NXPH1: variants seen among roughly 807,000 people sequenced by gnomAD.
The protein encoded by NXPH1 is neurexophilin-1.
A neutral mutation model predicts 23.7 loss-of-function variants in NXPH1; 5 were observed. The ratio of observed to expected loss-of-function variants is 0.21; its 90% CI spans 0.11 to 0.44. The LOEUF (loss-of-function observed/expected upper bound fraction) is 0.44, where lower values mean the gene tolerates loss of function less well. Among genes scored for constraint, NXPH1 ranks in the 20% least tolerant of loss-of-function variants. The pLI, the probability that NXPH1 is intolerant of heterozygous loss-of-function variation, is 0.99. For missense variants in NXPH1, 324 were observed against 321.6 expected (o/e 1.01, Z -0.06); for synonymous variants, 144 against 122.2 (o/e 1.18, Z -1.18).
intron 2 of NXPH1, among the ~76,000 whole-genome samples, chr7:8,454,215 G>T (rs1816552659): frequency 6.6e-6 from 1 of 152,030 alleles, no homozygotes; most frequent in Non-Finnish European, 1.5e-5. Context: ...ACCTGCACTT[G>T]TACCCCTGAA....
chr7:8,466,133 C>T (rs1392605864), intron 2 of NXPH1, among the ~76,000 whole-genome samples: 1 of 152,018 alleles, frequency 6.6e-6, no homozygotes, highest in Non-Finnish European at 1.5e-5. Context: ...TTGTGAGTAC[C>T]TTGAAAAGTC....
intron 2 of NXPH1, among the ~76,000 whole-genome samples, chr7:8,715,641 G>C (rs1779864798): frequency 6.6e-6 from 1 of 152,168 alleles, no homozygotes; most frequent in Non-Finnish European, 1.5e-5. Context: ...AATGATTTGG[G>C]AAGGTTACAC....
At chr7:8,714,483 T>C (rs1290617666) in intron 2 of NXPH1, among the ~76,000 whole-genome samples, 1 of 151,758 alleles carries the variant, frequency 6.6e-6, no homozygotes, top group East Asian at 2.0e-4. Flanking sequence ...CCTTTACTTT[T>C]CCCTCTACTT....
At chr7:8,460,313 A>G (rs1279869996) in intron 2 of NXPH1, among the ~76,000 whole-genome samples, 1 of 152,158 alleles carries the variant, frequency 6.6e-6, no homozygotes, top group African/African-American at 2.4e-5. Context: ...TAGACTTCCC[A>G]TTCCAAAAGA....
intron 2 of NXPH1, among the ~76,000 whole-genome samples, chr7:8,642,139 G>A (rs1392487206): frequency 6.6e-6 from 1 of 152,144 alleles, no homozygotes; most frequent in Non-Finnish European, 1.5e-5. Context: ...CACCCAATTA[G>A]CTTCCTTAAA....
intron 2 of NXPH1, among the ~76,000 whole-genome samples, chr7:8,573,062 A>G (rs1818680696): frequency 6.6e-6 from 1 of 151,836 alleles, no homozygotes; most frequent in Non-Finnish European, 1.5e-5. Flanking sequence ...TTGTTTTGAT[A>G]TATTTCCATC....
intron 2 of NXPH1, among the ~76,000 whole-genome samples, chr7:8,538,325 C>T (rs1336231713): frequency 2.0e-5 from 3 of 151,866 alleles, no homozygotes; most frequent in African/African-American, 7.2e-5. Flanking sequence ...TTTCCTCCAA[C>T]AATCAGAGCT....
chr7:8,721,985 G>A (rs1419711262), intron 2 of NXPH1, among the ~76,000 whole-genome samples: 4 of 152,042 alleles, frequency 2.6e-5, no homozygotes, highest in Non-Finnish European at 5.9e-5. Context: ...AGTTACCTTG[G>A]GTTTACTTTA....
intron 2 of NXPH1, among the ~76,000 whole-genome samples, chr7:8,439,808 G>T (rs566781270): frequency 1.2e-4 from 19 of 152,310 alleles, no homozygotes; most frequent in African/African-American, 4.6e-4. Flanking sequence ...TATGAAGATG[G>T]CTGTTAAGGT....
chr7:8,491,057 A>AT (rs924074240), intron 2 of NXPH1, among the ~76,000 whole-genome samples: 51 of 150,864 alleles, frequency 3.4e-4, no homozygotes, highest in African/African-American at 9.2e-4. Context: ...TTAGAAAAAC[A>AT]TTTTTTTTTG....
intron 2 of NXPH1, among the ~76,000 whole-genome samples, chr7:8,740,523 A>G (rs1203165923): frequency 6.6e-6 from 1 of 152,172 alleles, no homozygotes; most frequent in Admixed American, 6.5e-5. Flanking sequence ...ATTTAGACCT[A>G]TGATCTCTGA....
At chr7:8,517,463 T>G (rs2128615030) in intron 2 of NXPH1, among the ~76,000 whole-genome samples, 1 of 152,194 alleles carries the variant, frequency 6.6e-6, no homozygotes, top group South Asian at 2.1e-4. Context: ...AGATGTAAAT[T>G]TTGTTTCTGG....
At chr7:8,617,183 C>T (rs1819762625) in intron 2 of NXPH1, among the ~76,000 whole-genome samples, 2 of 152,044 alleles carry the variant, frequency 1.3e-5, no homozygotes, top group African/African-American at 4.8e-5. Flanking sequence ...ATTATCCAGT[C>T]CCAATGTCAA....
chr7:8,624,386 G>A (rs941978102), intron 2 of NXPH1, among the ~76,000 whole-genome samples: 4 of 152,160 alleles, frequency 2.6e-5, no homozygotes, highest in Non-Finnish European at 5.9e-5. Context: ...AGCTAGAGAT[G>A]CCAATTCCAT....
At position 8,715,083 on chromosome 7, in the gene NXPH1, G is replaced by T. The variant is rs1038850208; in HGVS notation, c.55-35925G>T. On this transcript the variant is annotated intron_variant, in intron 2 of 2. Transcript: ENST00000405863. ...TTATTTAGGATCCCAGAGCACTTTA[G>T]TCTGTGGTGGTGAGGCTTGCTGAAA... Among the ~76,000 whole-genome samples, 3 of 152,294 alleles carry T rather than the reference G, an allele frequency of 2.0e-5. No homozygotes were observed. The South Asian group carries it at 6.2e-4, about 32-fold the overall frequency.
chr7:8,642,339 C>T (rs747806170), intron 2 of NXPH1, among the ~76,000 whole-genome samples: 36 of 152,152 alleles, frequency 2.4e-4, no homozygotes, highest in Non-Finnish European at 3.8e-4. Flanking sequence ...GGTCTGATGC[C>T]ATTATCATTT....
At chr7:8,734,133 C>G (rs1780204465) in intron 2 of NXPH1, among the ~76,000 whole-genome samples, 1 of 152,138 alleles carries the variant, frequency 6.6e-6, no homozygotes, top group Admixed American at 6.5e-5. Flanking sequence ...AATAGAAAAT[C>G]CTTTCCCCGT....
chr7:8,671,289 C>T (rs1005444536), intron 2 of NXPH1, among the ~76,000 whole-genome samples: 7 of 152,224 alleles, frequency 4.6e-5, no homozygotes, highest in African/African-American at 1.7e-4. Context: ...AAGATTTTAT[C>T]ATATTAAGCA....
intron 2 of NXPH1, among the ~76,000 whole-genome samples, chr7:8,707,110 T>C (rs1000308934): frequency 6.6e-6 from 1 of 152,228 alleles, no homozygotes; most frequent in African/African-American, 2.4e-5. Context: ...GTTTGACTTT[T>C]ACTATTTAAG....
Sources: gnomAD v4.1 joint callset for allele counts (sites outside exome capture counted in the v4.1 genomes callset) on GRCh38, gnomAD v4.1.1 for gene constraint, MANE v1.5 for transcripts, NCBI Gene and HGNC (gene_info 2026-07-23, HGNC 2026-07-21) for gene names.